The following DGKI variants were observed in gnomAD, a reference collection of about 807,000 sequenced individuals.
The protein encoded by DGKI is diacylglycerol kinase iota.
A neutral mutation model predicts 147.5 loss-of-function variants in DGKI; 55 were observed. The ratio of observed to expected loss-of-function variants is 0.37; its 90% CI spans 0.30 to 0.47. The LOEUF (loss-of-function observed/expected upper bound fraction) is 0.47, where lower values mean the gene tolerates loss of function less well. DGKI is among the 20% of genes least tolerant of loss of function. The pLI, the probability that DGKI is intolerant of heterozygous loss-of-function variation, is 1.00. For synonymous variants in DGKI, 469 were observed against 477.1 expected (o/e 0.98, Z 0.22); for missense variants, 1,007 against 1,323.8 (o/e 0.76, Z 3.71).
chr7:137,652,061 G>A (rs1161942297), intron 5 of DGKI, among the ~76,000 whole-genome samples: 2 of 152,148 alleles, frequency 1.3e-5, no homozygotes, highest in Non-Finnish European at 2.9e-5. Context: ...GCTTGGCAGT[G>A]ACCACAAAAC....
At chr7:137,435,723 G>A (rs1813254910) in intron 28 of DGKI, among the ~76,000 whole-genome samples, 1 of 152,218 alleles carries the variant, frequency 6.6e-6, no homozygotes, top group Non-Finnish European at 1.5e-5. Context: ...GCTCAGTACA[G>A]TAGGCTCTAC....
chr7:137,446,543 T>C (rs964944819), intron 27 of DGKI, among the ~76,000 whole-genome samples: 1 of 152,108 alleles, frequency 6.6e-6, no homozygotes, highest in Non-Finnish European at 1.5e-5. Context: ...CTGGCCAACA[T>C]GGTGAAACCC....
intron 10 of DGKI, among the ~76,000 whole-genome samples, chr7:137,604,986 A>G (rs1820125080): frequency 6.6e-6 from 1 of 152,180 alleles, no homozygotes; most frequent in African/African-American, 2.4e-5. Flanking sequence ...TTTATGTTAC[A>G]CTTACTATCT....
chr7:137,522,695 T>G lies in DGKI; in HGVS notation c.2148-729A>C, dbSNP rs576473790. ...TGCAGCACCAAACTTTCTGAACATC[T>G]ATTCACTCCCCAAATGTCTGTAACT... On this transcript the variant is annotated intron_variant, in intron 20 of 32. Transcript: ENST00000614521. 9.2e-5 allele frequency among the ~76,000 whole-genome samples: 14 copies of G among 152,250 alleles called. No individual in the cohort carries two copies. In the South Asian group the frequency reaches 2.9e-3, roughly 32 times the overall value.
At chr7:137,813,856 A>G (rs1178291768) in intron 1 of DGKI, among the ~76,000 whole-genome samples, 4 of 152,202 alleles carry the variant, frequency 2.6e-5, no homozygotes, top group African/African-American at 9.6e-5. Flanking sequence ...GGTTCAGGAT[A>G]TCTAATAACG....
intron 8 of DGKI, among the ~76,000 whole-genome samples, chr7:137,616,050 A>G (rs1473732590): frequency 7.2e-5 from 11 of 152,126 alleles, no homozygotes; most frequent in Admixed American, 7.2e-4. Flanking sequence ...TAAAGAAAAG[A>G]CTACTAAAAT....
chr7:137,488,585 A>T (rs1395080044), intron 21 of DGKI, among the ~76,000 whole-genome samples: 1 of 152,196 alleles, frequency 6.6e-6, no homozygotes. Flanking sequence ...ATGATCTAAC[A>T]TAAAACCTTC....
chr7:137,597,655 A>G (rs542144638), intron 12 of DGKI, among the ~76,000 whole-genome samples, 192 bp downstream of exon 12: 17 of 152,326 alleles, frequency 1.1e-4, no homozygotes, highest in African/African-American at 4.1e-4. Flanking sequence ...AGCACACATT[A>G]GAAGGATCAA....
At chr7:137,613,651 A>G (rs1820439136) in intron 8 of DGKI, among the ~76,000 whole-genome samples, 1 of 152,172 alleles carries the variant, frequency 6.6e-6, no homozygotes. Flanking sequence ...CTATGAAGAA[A>G]TGAATGCAGC....
At chr7:137,757,545 C>T (rs979136740) in intron 1 of DGKI, among the ~76,000 whole-genome samples, 1 of 152,178 alleles carries the variant, frequency 6.6e-6, no homozygotes, top group South Asian at 2.1e-4. Context: ...CATTCTCTCC[C>T]TGTCAGAGAC....
At chr7:137,610,098 C>G (rs368385249) in intron 8 of DGKI, among the ~76,000 whole-genome samples, 1 of 147,920 alleles carries the variant, frequency 6.8e-6, no homozygotes, top group Non-Finnish European at 1.5e-5. Context: ...ATGATCTTTT[C>G]TAGTAATAGT....
At chr7:137,473,513 ATTAAT>A (rs1489590055) in intron 23 of DGKI, among the ~76,000 whole-genome samples, 2 of 152,174 alleles carry the variant, frequency 1.3e-5, no homozygotes, top group Non-Finnish European at 1.5e-5. Flanking sequence ...TAAAAAAGCT[ATTAAT>A]TTAAAGAATC....
At chr7:137,521,510 A>T (rs1479086860) in intron 21 of DGKI, among the ~76,000 whole-genome samples, 3 of 152,074 alleles carry the variant, frequency 2.0e-5, no homozygotes, top group Non-Finnish European at 4.4e-5. Context: ...CGCAGCCTCC[A>T]AGAAGAGATC....
intron 28 of DGKI, among the ~76,000 whole-genome samples, chr7:137,426,400 C>A (rs2128908844): frequency 1.3e-5 from 2 of 152,240 alleles, no homozygotes; most frequent in Middle Eastern, 6.8e-3. Context: ...CTGAAGGAAG[C>A]ACTAAACATA....
Position 137,618,151 on chromosome 7 carries a change from A to ATATTT in DGKI, c.993+1672_993+1673insAAATA. Among the ~76,000 whole-genome samples, 53 of 10,466 alleles carry ATATTT rather than the reference A, an allele frequency of 5.1e-3. 2 individuals carry two copies. Among genetic ancestry groups the ATATTT allele is most frequent in the Admixed American group, 7.3e-3 (2 of 274 alleles). 6.9% of individuals were successfully genotyped at this position (10,466 alleles called of 152,430 possible). On this transcript the variant is annotated intron_variant, in intron 8 of 32. Transcript: ENST00000614521. ...ACTATATATATATATATATATATATATTTTTTTTTTTTTACTCTATCATTC... is the reference window on the plus strand; with the variant it reads ...ACTATATATATATATATATATATATATATTTTTTTTTTTTTTTTACTCTATCATTC...
Position 137,381,928 on chromosome 7 carries a change from T to C in DGKI, c.*9292A>G, listed in dbSNP as rs1362181921. On this transcript the variant is annotated 3_prime_UTR_variant, in exon 33 of 33. Transcript: ENST00000614521. ...GGAGAGCATCAAAGTTCTACTTGCA[T>C]TGGAAATTATGCTTGTATGTAATTA... 2 of 152,110 alleles carry C rather than the reference T, an allele frequency of 1.3e-5. No individual in the cohort carries two copies. The highest frequency in any genetic ancestry group is 2.9e-5 in the Non-Finnish European group (2 of 68,006). The allele number at this position is 152,110 out of a possible 1,614,324, so 9.4% of individuals were successfully genotyped here. A position where few individuals can be genotyped will look rare whatever the true frequency, so the allele number is the denominator to read the frequency against.
At chr7:137,554,526 A>G (rs1818156266) in intron 19 of DGKI, among the ~76,000 whole-genome samples, 1 of 152,196 alleles carries the variant, frequency 6.6e-6, no homozygotes, top group Non-Finnish European at 1.5e-5. Context: ...TATTGACCCA[A>G]GACCATAGCT....
intron 23 of DGKI, among the ~76,000 whole-genome samples, chr7:137,472,820 T>A (rs894075914): frequency 6.6e-6 from 1 of 151,994 alleles, no homozygotes; most frequent in African/African-American, 2.4e-5. Flanking sequence ...ATCTTCTCTA[T>A]GAATAAAGGG....
chr7:137,796,160 C>T (rs1797020167), intron 1 of DGKI, among the ~76,000 whole-genome samples: 1 of 152,162 alleles, frequency 6.6e-6, no homozygotes, highest in South Asian at 2.1e-4. Flanking sequence ...ACAGAAACTG[C>T]CTCTGAGAAA....
Sources: allele counts gnomAD v4.1 joint callset (sites outside exome capture counted in the v4.1 genomes callset), GRCh38; gene constraint gnomAD v4.1.1; transcripts MANE v1.5; gene names NCBI Gene and HGNC (gene_info 2026-07-23, HGNC 2026-07-21).